The following RCOR1 variants were observed in gnomAD, a reference collection of about 807,000 sequenced individuals.
The protein encoded by RCOR1 is REST corepressor 1, also known as REST corepressor.
A neutral mutation model predicts 64.0 loss-of-function variants in RCOR1; 12 were observed. The observed-to-expected ratio is 0.19, with a 90% CI of 0.12 to 0.30. The LOEUF (loss-of-function observed/expected upper bound fraction) is 0.30, where lower values mean the gene tolerates loss of function less well. Ranked by LOEUF, RCOR1 falls within the 10% of genes least tolerant of loss-of-function variation. The probability of loss-of-function intolerance (pLI) is 1.00; values close to 1 mark genes in which losing one functional copy is unlikely to be tolerated. For missense variants in RCOR1, 502 were observed against 621.2 expected (o/e 0.81, Z 2.04); for synonymous variants, 279 against 227.2 (o/e 1.23, Z -2.05).
intron 2 of RCOR1, among the ~76,000 whole-genome samples, chr14:102,651,896 G>A (rs929894352): frequency 5.3e-5 from 8 of 152,162 alleles, no homozygotes; most frequent in Non-Finnish European, 1.2e-4. Context: ...AGATAGCCCT[G>A]TAGACCTGAT....
At chr14:102,621,810 C>T (rs1027412321) in intron 2 of RCOR1, among the ~76,000 whole-genome samples, 3 of 152,090 alleles carry the variant, frequency 2.0e-5, no homozygotes, top group Admixed American at 6.6e-5. Context: ...GGCCTCTTTT[C>T]GCCCTCCTAC....
chr14:102,599,066 G>C (rs931622300), intron 2 of RCOR1, among the ~76,000 whole-genome samples: 5 of 151,942 alleles, frequency 3.3e-5, no homozygotes, highest in African/African-American at 9.7e-5. Context: ...TCCTACCTCT[G>C]GTTGGTTCTT....
At chr14:102,684,085 A>T (rs1249636367) in intron 3 of RCOR1, among the ~76,000 whole-genome samples, 1 of 152,194 alleles carries the variant, frequency 6.6e-6, no homozygotes, top group East Asian at 1.9e-4. Flanking sequence ...GCTGAGCGCT[A>T]GGAACAGGTT....
rs1796289117 is a variant in RCOR1 at position 102,592,808 on chromosome 14, C to T, written c.-79C>T. 1 of 1,175,704 alleles carries T rather than the reference C, an allele frequency of 8.5e-7. No individual in the cohort carries two copies. The highest frequency in any genetic ancestry group is 1.6e-5 in the African/African-American group (1 of 61,792). 72.8% of individuals were successfully genotyped at this position (1,175,704 alleles called of 1,614,324 possible). A position where few individuals can be genotyped will look rare whatever the true frequency, so the allele number is the denominator to read the frequency against. On this transcript the variant is annotated 5_prime_UTR_variant, in exon 1 of 12. Coordinates refer to ENST00000262241, the MANE Select transcript of RCOR1 (RefSeq NM_015156.4). ...CCCGCCCGGCCCCGCGCCGGCCCCG[C>T]GCCCCCTCCCCCGTCTCGGCGCCCC...
In RCOR1 at chr14:102,721,373, A is replaced by G. The variant is rs1896165210; in HGVS notation, c.1185A>G (p.Val395=). 1.9e-6 allele frequency: 3 copies of G among 1,613,016 alleles called. No homozygotes were observed. Among genetic ancestry groups the G allele is most frequent in the South Asian group, 1.1e-5 (1 of 91,026 alleles). ...RWTTEEQLLA[V]QAIRKYGRDF... is the part of the protein sequence containing the mutation. ...CTACAGAAGAGCAGCTTCTCGCCGT[A>G]CAAGGTAGGGGGAAGTTCTTCTAAA... is the stretch of plus-strand genomic sequence containing the variant. The change falls in exon 10 of 12, where the codon GTA becomes GTG. Residue 395 remains valine, a synonymous_variant. Transcript: ENST00000262241.
chr14:102,667,717 G>A (rs1894943938), intron 2 of RCOR1, among the ~76,000 whole-genome samples: 4 of 152,084 alleles, frequency 2.6e-5, no homozygotes. Context: ...ATTAGTGGAT[G>A]GGGCTCAGTG....
chr14:102,729,849 G>C lies in RCOR1; in HGVS notation c.*3343G>C, dbSNP rs559298033. On this transcript the variant is annotated 3_prime_UTR_variant, in exon 12 of 12. Transcript: ENST00000262241. ...AAGGAAAGATGGAGCCAACTCCAAC[G>C]AGGGCCTCTTTTTCTCTCTTGTCTA... The C allele has an allele frequency of 2.5e-4, 101 of 399,042 alleles. No homozygotes were observed. The highest frequency in any genetic ancestry group is 5.3e-4 in the Admixed American group (12 of 22,730). 24.7% of individuals were successfully genotyped at this position (399,042 alleles called of 1,614,324 possible).
chr14:102,704,969 T>C (rs939488638), intron 4 of RCOR1, among the ~76,000 whole-genome samples: 2 of 151,680 alleles, frequency 1.3e-5, no homozygotes, highest in Admixed American at 6.6e-5. Context: ...TAAAAAAAAG[T>C]TTAAAAATTA....
intron 2 of RCOR1, among the ~76,000 whole-genome samples, chr14:102,671,503 C>G (rs532219362): frequency 6.6e-6 from 1 of 152,266 alleles, no homozygotes; most frequent in South Asian, 2.1e-4. Flanking sequence ...TCAAGCAATC[C>G]TTTAGCCTCA....
At chr14:102,709,376 A>G (rs1450673157) in intron 6 of RCOR1, among the ~76,000 whole-genome samples, 1 of 152,164 alleles carries the variant, frequency 6.6e-6, no homozygotes, top group African/African-American at 2.4e-5. Flanking sequence ...GGGTGGTGAG[A>G]TATATAGGTG....
chr14:102,641,323 G>A (rs1300046177), intron 2 of RCOR1, among the ~76,000 whole-genome samples: 1 of 151,918 alleles, frequency 6.6e-6, no homozygotes, highest in East Asian at 1.9e-4. Context: ...TATGCAGCTG[G>A]GCACAGTGGT....
chr14:102,673,978 T>A (rs1895086693), intron 2 of RCOR1, among the ~76,000 whole-genome samples: 1 of 152,010 alleles, frequency 6.6e-6, no homozygotes, highest in South Asian at 2.1e-4. Flanking sequence ...GTAGTAACTA[T>A]CTATGTTATT....
rs1445639892 is a variant in RCOR1, at chr14:102,728,393, T to G, written c.*1887T>G. 6.6e-6 allele frequency: 1 copy of G among 152,172 alleles called. No individual in the cohort carries two copies. The highest frequency in any genetic ancestry group is 1.5e-5 in the Non-Finnish European group (1 of 68,066). 9.4% of individuals were successfully genotyped at this position (152,172 alleles called of 1,614,324 possible). A position where few individuals can be genotyped will look rare whatever the true frequency, so the allele number is the denominator to read the frequency against. Reference sequence around the variant, plus strand: ...GCTTCTTTTCACCATAAGCCTGCTGTGTACACCGAGGGCGGCAGGAGAAGC... The same window carrying G: ...GCTTCTTTTCACCATAAGCCTGCTGGGTACACCGAGGGCGGCAGGAGAAGC... On this transcript the variant is annotated 3_prime_UTR_variant, in exon 12 of 12. Transcript: ENST00000262241.
At chr14:102,645,492 A>G (rs1342400771) in intron 2 of RCOR1, among the ~76,000 whole-genome samples, 3 of 152,072 alleles carry the variant, frequency 2.0e-5, no homozygotes, top group Admixed American at 6.6e-5. Flanking sequence ...GTAATGTACA[A>G]TAGTAGTTTT....
intron 2 of RCOR1, among the ~76,000 whole-genome samples, chr14:102,650,483 G>C (rs181490661): frequency 6.6e-6 from 1 of 152,168 alleles, no homozygotes; most frequent in African/African-American, 2.4e-5. Flanking sequence ...AATAAAGCTT[G>C]AAGGATCAGA....
intron 2 of RCOR1, among the ~76,000 whole-genome samples, chr14:102,674,977 C>A (rs1237547980): frequency 6.8e-6 from 1 of 147,774 alleles, no homozygotes; most frequent in African/African-American, 2.5e-5. Flanking sequence ...ATGACATGAA[C>A]CCGGGAGGCG....
intron 2 of RCOR1, among the ~76,000 whole-genome samples, chr14:102,668,759 A>G: frequency 6.6e-6 from 1 of 152,114 alleles, no homozygotes; most frequent in East Asian, 1.9e-4. Context: ...ATTTATTATC[A>G]TGGAGGATAA....
At chr14:102,718,777 C>CG (rs1348900642) in intron 8 of RCOR1, among the ~76,000 whole-genome samples, 4 of 151,658 alleles carry the variant, frequency 2.6e-5, no homozygotes, top group African/African-American at 9.7e-5. Context: ...AGATGTTTGG[C>CG]GGGGGGAAGG....
intron 3 of RCOR1, among the ~76,000 whole-genome samples, chr14:102,693,290 G>A (rs75987667): frequency 0.036 from 5,514 of 152,104 alleles, 192 homozygotes; most frequent in African/African-American, 0.086. Context: ...CAGACATGCG[G>A]GTTCCATAAG....
Sources: gnomAD v4.1 joint callset for allele counts (sites outside exome capture counted in the v4.1 genomes callset) on GRCh38, gnomAD v4.1.1 for gene constraint, MANE v1.5 for transcripts, NCBI Gene and HGNC (gene_info 2026-07-23, HGNC 2026-07-21) for gene names.